Variants in PRDM10 observed in about 807,000 individuals in gnomAD.
PRDM10 encodes the protein PR/SET domain 10, also known as PR domain zinc finger protein 10.
PRDM10 carries 65 observed loss-of-function variants against 133.1 expected under a neutral mutation model. That is an observed-to-expected ratio of 0.49 (90% CI 0.40 to 0.60). PRDM10 has a LOEUF of 0.60. Ranked by LOEUF, PRDM10 falls within the 20% of genes least tolerant of loss-of-function variation. PRDM10 has a pLI of 0.00. For synonymous variants in PRDM10, 582 were observed against 580.4 expected, an observed-to-expected ratio of 1.00 and a Z score of -0.04; for missense variants, 1,137 against 1,507.1, an observed-to-expected ratio of 0.75 and a Z score of 4.07.
intron 1 of PRDM10, among the ~76,000 whole-genome samples, chr11:130,001,871 G>A (rs1271117149): frequency 1.3e-5 from 2 of 151,888 alleles, no homozygotes; most frequent in African/African-American, 4.8e-5. Context: ...CCGCGACCCC[G>A]GCCTCGGCCT....
intron 19 of PRDM10, among the ~76,000 whole-genome samples, chr11:129,909,347 G>A (rs2135722819): frequency 6.6e-6 from 1 of 151,982 alleles, no homozygotes; most frequent in Middle Eastern, 3.4e-3. Flanking sequence ...CTACTCAAGA[G>A]GCTGAGGCAG....
chr11:129,931,079 C>T lies in PRDM10; in HGVS notation c.1467G>A (p.Glu489=). 6.2e-7 allele frequency: 1 copy of T among 1,614,226 alleles called. No individual in the cohort carries two copies. The highest frequency in any genetic ancestry group is 8.5e-7 in the Non-Finnish European group (1 of 1,180,042). Residue 489 remains glutamate, a synonymous_variant, in exon 11 of 21, where the codon GAG becomes GAA. Coordinates refer to ENST00000360871, the MANE Select transcript of PRDM10 (RefSeq NM_199437.2). ...GCGTGCTCTGGGTGGGCACCACGCT[C>T]TCTTCATGCTGCGGCTGCAGGTGCA... ...HTLHLQPQHE[E]SVVPTQSTLT... is the part of the protein sequence containing the mutation.
intron 1 of PRDM10, among the ~76,000 whole-genome samples, chr11:129,966,564 C>T (rs1039763020): frequency 8.6e-5 from 13 of 152,030 alleles, no homozygotes; most frequent in African/African-American, 2.9e-4. Flanking sequence ...GTATTAAAAC[C>T]GAAAGACATG....
intron 1 of PRDM10, among the ~76,000 whole-genome samples, chr11:129,991,475 G>A (rs2135994179): frequency 2.6e-5 from 4 of 152,282 alleles, no homozygotes; most frequent in African/African-American, 9.6e-5. Context: ...CCTGAGGTCA[G>A]GAGTTCCAGA....
rs1446603923 is a variant in PRDM10, at chr11:129,944,992, C to T, written c.541G>A (p.Ala181Thr). ...HDLWCEECNN[A>T]HASVCPKHGP... ...TGCTTCGGACACACTGAAGCATGCG[C>T]GTTATTGCACTCCTCACACCCTGCA... The change falls in exon 6 of 21, where the codon GCG becomes ACG. Residue 181 changes from alanine (A) to threonine (T), a missense_variant. By Grantham distance (58) the Ala-to-Thr change is moderately conservative (BLOSUM62 0). Transcript: ENST00000360871. 4 of 1,612,494 alleles carry T rather than the reference C, an allele frequency of 2.5e-6. No homozygotes were observed. The highest frequency in any genetic ancestry group is 3.4e-6 in the Non-Finnish European group (4 of 1,179,622).
intron 9 of PRDM10, among the ~76,000 whole-genome samples, chr11:129,932,885 C>T (rs931793342): frequency 1.3e-5 from 2 of 152,124 alleles, no homozygotes; most frequent in Non-Finnish European, 2.9e-5. Context: ...CCCACCTCAG[C>T]GTCCCAAGTA....
At position 129,925,029 on chromosome 11, in the gene PRDM10, G is replaced by C. The variant is rs749311088; in HGVS notation, c.1731C>G (p.Leu577=). The change falls in exon 12 of 21, where the codon CTC becomes CTG. Residue 577 remains leucine, a synonymous_variant. Coordinates refer to ENST00000360871, the MANE Select transcript of PRDM10 (RefSeq NM_199437.2). Reference sequence around the variant, plus strand: ...AAGAGTAAGTCTTCTGGTCTGAGTGGAGCTTCATGTGGCTCTCCAAGGATG... The same window carrying C: ...AAGAGTAAGTCTTCTGGTCTGAGTGCAGCTTCATGTGGCTCTCCAAGGATG... ...SSTSLESHMK[L]HSDQKTYSCI... 22 of 1,614,182 alleles carry C rather than the reference G, an allele frequency of 1.4e-5. No homozygotes were observed. Among genetic ancestry groups the C allele is most frequent in the Non-Finnish European group, 1.9e-5 (22 of 1,180,038 alleles).
chr11:129,959,364 C>A (rs6590429), intron 2 of PRDM10, among the ~76,000 whole-genome samples: 25,537 of 152,142 alleles, frequency 0.17, 3,838 homozygotes, highest in East Asian at 0.51. Context: ...TTGTGACTTT[C>A]GATTTGTTCA....
intron 4 of PRDM10, among the ~76,000 whole-genome samples, chr11:129,952,254 T>C (rs1452683669): frequency 6.6e-6 from 1 of 152,124 alleles, no homozygotes; most frequent in African/African-American, 2.4e-5. Flanking sequence ...AACTATCCCT[T>C]AATATTAAAA....
Position 129,944,834 on chromosome 11 carries a change from A to C in PRDM10, c.699T>G (p.Phe233Leu). The C allele has an allele frequency of 9.9e-6, 16 of 1,614,110 alleles. No homozygotes were observed. Among genetic ancestry groups the C allele is most frequent in the Non-Finnish European group, 1.4e-5 (16 of 1,180,016 alleles). Residue 233 changes from phenylalanine to leucine, a missense_variant, in exon 6 of 21, where the codon TTT becomes TTG. By Grantham distance (22) the Phe-to-Leu change is conservative. Around this residue, in one of 6 missense-constraint regions of PRDM10, gnomAD observed 635 missense variants for 835.2 expected, o/e 0.76. Coordinates refer to ENST00000360871, the MANE Select transcript of PRDM10 (RefSeq NM_199437.2). ...SKRRIPKRTQFGPVEGPLVRG... is the reference protein window; with the variant it reads ...SKRRIPKRTQLGPVEGPLVRG... The stretch of plus-strand genomic sequence containing the variant: ...TGACGAGAGGCCCCTCCACGGGGCC[A>C]AACTGGGTGCGCTTGGGGATGCGCC...
At position 129,915,655 on chromosome 11, in the gene PRDM10, C is replaced by T. The variant is rs1950334690; in HGVS notation, c.2526+5G>A. 6.4e-7 allele frequency: 1 copy of T among 1,566,096 alleles called. No individual in the cohort carries two copies. ...ACCTTAGCTTTAGTCAGAAACTCCCCCTACCTTGCTGCTGTACTGCTTGGA... is the reference window on the plus strand; with the variant it reads ...ACCTTAGCTTTAGTCAGAAACTCCCTCTACCTTGCTGCTGTACTGCTTGGA... On this transcript the variant is annotated splice_donor_5th_base_variant and intron_variant, in intron 16 of 20. Transcript: ENST00000360871.
chr11:129,944,395 C>CCATCCCGGCTAA (rs373627728), intron 6 of PRDM10, among the ~76,000 whole-genome samples: 1 of 151,344 alleles, frequency 6.6e-6, no homozygotes, highest in Non-Finnish European at 1.5e-5. Context: ...GAGATCGAGA[C>CCATCCCGGCTAA]CACGGTGAAA....
At chr11:129,986,924 G>A (rs1021101359) in intron 1 of PRDM10, among the ~76,000 whole-genome samples, 1 of 152,162 alleles carries the variant, frequency 6.6e-6, no homozygotes, top group African/African-American at 2.4e-5. Context: ...ACTCAACAGT[G>A]CTCATTGTTG....
chr11:129,944,509 C>CCGG (rs1951335090), intron 6 of PRDM10, among the ~76,000 whole-genome samples: 3 of 151,112 alleles, frequency 2.0e-5, no homozygotes, highest in Admixed American at 6.6e-5. Context: ...GGCGTGAACC[C>CCGG]GGAAGGCGGA....
chr11:129,911,507 C>T (rs529593777), intron 18 of PRDM10, among the ~76,000 whole-genome samples: 1 of 152,342 alleles, frequency 6.6e-6, no homozygotes, highest in South Asian at 2.1e-4. Flanking sequence ...AACATCATTT[C>T]CTGTGAGTAA....
chr11:129,923,391 CG>C lies in PRDM10; in HGVS notation c.1890del (p.His630GlnfsTer100). On this transcript the variant is annotated frameshift_variant, in exon 13 of 21. Transcript: ENST00000360871. LOFTEE classifies it high-confidence loss of function. This position sits in a 1 kb window ranked among gnomAD's most constrained non-coding sequence, Gnocchi z 4.4. ...ATCTTTTCTGAGTGGAAGCTGCGCA[CG>C]TGTTTTTTCACCTGGTGATAAGAAC... ...RFPDFIQVKK[H>X]VRSFHSEKIY... The C allele has an allele frequency of 6.2e-7, 1 of 1,605,602 alleles. No individual in the cohort carries two copies.
chr11:129,914,768 G>A lies in PRDM10; in HGVS notation c.2777C>T (p.Ser926Leu), dbSNP rs561725124. The change falls in exon 17 of 21, where the codon TCG becomes TTG. Residue 926 changes from serine to leucine, a missense_variant. Coordinates refer to ENST00000360871, the MANE Select transcript of PRDM10 (RefSeq NM_199437.2). ...DYQRIQYIPV[S>L]QSASGLQQPQ... Reference sequence around the variant, plus strand: ...CTGCTGGAGGCCAGACGCCGACTGCGACACAGGGATGTACTGAATTCTCTG... The same window carrying A: ...CTGCTGGAGGCCAGACGCCGACTGCAACACAGGGATGTACTGAATTCTCTG... 8 of 1,614,218 alleles carry A rather than the reference G, an allele frequency of 5.0e-6. No individual in the cohort carries two copies. Among genetic ancestry groups the A allele is most frequent in the Admixed American group, 1.7e-5 (1 of 60,020 alleles).
intron 13 of PRDM10, among the ~76,000 whole-genome samples, chr11:129,922,250 G>GT (rs765611671): frequency 1.4e-3 from 208 of 152,276 alleles, no homozygotes; most frequent in Non-Finnish European, 2.3e-3. Context: ...TTAAAATATG[G>GT]TATCTGGCAC....
chr11:129,932,075 G>C, intron 10 of PRDM10, 27 bp downstream of exon 10: 9 of 1,607,798 alleles, frequency 5.6e-6, no homozygotes, highest in Non-Finnish European at 7.7e-6. Flanking sequence ...AAGCACCTAA[G>C]GAGGGCTCCT....
Sources: allele counts gnomAD v4.1 joint callset (sites outside exome capture counted in the v4.1 genomes callset), GRCh38; gene constraint gnomAD v4.1.1; regional missense constraint gnomAD v4.1.1; non-coding constraint Gnocchi (gnomAD v3.1); transcripts MANE v1.5; gene names NCBI Gene and HGNC (gene_info 2026-07-23, HGNC 2026-07-21).